SHTN1: variants seen among roughly 807,000 people sequenced by gnomAD.
SHTN1 encodes the protein shootin-1.
A neutral mutation model predicts 83.1 loss-of-function variants in SHTN1; 42 were observed. The observed-to-expected ratio is 0.51, with a 90% confidence interval of 0.39 to 0.65. SHTN1 has a LOEUF of 0.65. SHTN1 is among the 30% of genes least tolerant of loss of function. The pLI, the probability that SHTN1 is intolerant of heterozygous loss-of-function variation, is 0.00. For synonymous variants in SHTN1, 224 were observed against 247.7 expected, an observed-to-expected ratio of 0.90 and a Z score of 0.90; for missense variants, 622 against 737.8, an observed-to-expected ratio of 0.84 and a Z score of 1.82.
chr10:116,924,276 A>G (rs562908783), intron 11 of SHTN1, among the ~76,000 whole-genome samples: 19 of 152,190 alleles, frequency 1.2e-4, no homozygotes, highest in African/African-American at 4.1e-4. Context: ...CACTAATCAG[A>G]TGCCTCACCT....
At chr10:116,947,247 A>T (rs1433549045) in intron 7 of SHTN1, among the ~76,000 whole-genome samples, 34 of 152,156 alleles carry the variant, frequency 2.2e-4, no homozygotes. Context: ...TGACGATACC[A>T]TTAGATATTA....
chr10:117,039,553 T>C (rs1852552256), intron 2 of SHTN1, among the ~76,000 whole-genome samples: 1 of 152,014 alleles, frequency 6.6e-6, no homozygotes, highest in Non-Finnish European at 1.5e-5. Flanking sequence ...TGATAGGGGA[T>C]GTTAAAAATG....
intron 1 of SHTN1, among the ~76,000 whole-genome samples, chr10:117,091,698 C>T (rs1016885321): frequency 1.3e-5 from 2 of 152,198 alleles, no homozygotes; most frequent in African/African-American, 4.8e-5. Flanking sequence ...CTCCAGTATG[C>T]ATTTGCTCAT....
At chr10:116,898,471 AG>A (rs2133317155) in intron 16 of SHTN1, among the ~76,000 whole-genome samples, 1 of 152,308 alleles carries the variant, frequency 6.6e-6, no homozygotes, top group South Asian at 2.1e-4. Flanking sequence ...AAAGCAAAAA[AG>A]AGGTTTGCAC....
At chr10:117,030,253 T>A (rs895324956) in intron 2 of SHTN1, among the ~76,000 whole-genome samples, 2 of 152,192 alleles carry the variant, frequency 1.3e-5, no homozygotes, top group Non-Finnish European at 2.9e-5. Flanking sequence ...ATACAACCAA[T>A]AATGTGGTAT....
At chr10:117,112,851 T>G (rs1399225915) in intron 1 of SHTN1, among the ~76,000 whole-genome samples, 2 of 152,250 alleles carry the variant, frequency 1.3e-5, no homozygotes, top group South Asian at 4.1e-4. Flanking sequence ...GATGTTTAAT[T>G]ACATAGTTAC....
At chr10:116,941,990 T>C (rs1849387955) in intron 8 of SHTN1, among the ~76,000 whole-genome samples, 1 of 152,132 alleles carries the variant, frequency 6.6e-6, no homozygotes. Flanking sequence ...AAATAAACAA[T>C]TGCATATACA....
chr10:116,897,776 G>C (rs1343780655), intron 16 of SHTN1, among the ~76,000 whole-genome samples: 1 of 152,108 alleles, frequency 6.6e-6, no homozygotes, highest in African/African-American at 2.4e-5. Context: ...GCAGACCCAG[G>C]ATCTGAACCC....
At chr10:117,108,753 G>A (rs894158474) in intron 1 of SHTN1, among the ~76,000 whole-genome samples, 4 of 152,052 alleles carry the variant, frequency 2.6e-5, no homozygotes, top group African/African-American at 9.7e-5. Context: ...GTATTACCAT[G>A]GATACATACA....
intron 1 of SHTN1, among the ~76,000 whole-genome samples, chr10:117,091,961 C>G (rs530794317): frequency 6.6e-6 from 1 of 152,302 alleles, no homozygotes; most frequent in African/African-American, 2.4e-5. Context: ...GTCAAGTGAT[C>G]AGGGCTTTAC....
At chr10:116,953,785 G>A (rs1589838691) in intron 5 of SHTN1, among the ~76,000 whole-genome samples, 3 of 151,940 alleles carry the variant, frequency 2.0e-5, no homozygotes. Context: ...CTGCCACCAC[G>A]CCCAGCTAAT....
At chr10:117,001,693 TAAC>T (rs1268340847) in intron 1 of SHTN1, among the ~76,000 whole-genome samples, 5 of 152,166 alleles carry the variant, frequency 3.3e-5, no homozygotes, top group Admixed American at 6.5e-5. Context: ...TGACTACAGT[TAAC>T]AACAATGTAT....
intron 10 of SHTN1, 108 bp downstream of exon 10, chr10:116,929,741 C>T (rs1458301633): frequency 3.2e-6 from 2 of 621,560 alleles, no homozygotes; most frequent in Non-Finnish European, 2.5e-6. Context: ...GGTATTTTTC[C>T]ACAGCATTCA....
upstream of SHTN1, among the ~76,000 whole-genome samples, chr10:117,008,062 A>G (rs995588545): frequency 3.3e-5 from 5 of 152,034 alleles, no homozygotes; most frequent in African/African-American, 9.7e-5. Flanking sequence ...TGGAGTTACT[A>G]TTGACCTCCA....
intron 2 of SHTN1, among the ~76,000 whole-genome samples, chr10:117,022,463 G>A (rs1299464416): frequency 1.3e-5 from 2 of 152,000 alleles, no homozygotes; most frequent in African/African-American, 2.4e-5. Context: ...ATTGCTGAAT[G>A]TATAAGTCAC....
rs1433146766 is a variant in SHTN1, at chr10:116,882,520, TATA to T, written c.*3821_*3823del. On this transcript the variant is annotated 3_prime_UTR_variant, in exon 17 of 17. Transcript: ENST00000355371. ...ATATATTCAGACACAAACATATAGA[TATA>T]ATAATATCCAACCACTTTATATGAT... The T allele has an allele frequency of 6.6e-6, 1 of 151,994 alleles. No individual in the cohort carries two copies. Among genetic ancestry groups the T allele is most frequent in the Non-Finnish European group, 1.5e-5 (1 of 68,020 alleles). 9.4% of individuals were successfully genotyped at this position (151,994 alleles called of 1,614,324 possible).
chr10:117,048,124 C>T (rs1852693695), intron 2 of SHTN1, among the ~76,000 whole-genome samples: 1 of 152,062 alleles, frequency 6.6e-6, no homozygotes, highest in African/African-American at 2.4e-5. Context: ...TATAAACAAA[C>T]CCGAATAGTA....
chr10:117,123,982 TG>T (rs1853968969), intron 1 of SHTN1, among the ~76,000 whole-genome samples: 1 of 146,496 alleles, frequency 6.8e-6, no homozygotes, highest in African/African-American at 2.5e-5. Context: ...GAGGCCAAGG[TG>T]GGAGGATTGC....
chr10:116,986,652 CAGG>C (rs924847847), intron 1 of SHTN1, among the ~76,000 whole-genome samples: 1 of 150,530 alleles, frequency 6.6e-6, no homozygotes, highest in African/African-American at 2.5e-5. Context: ...GAGGCCAAGG[CAGG>C]AGAATCATTT....
Sources: allele counts gnomAD v4.1 joint callset (sites outside exome capture counted in the v4.1 genomes callset), GRCh38; gene constraint gnomAD v4.1.1; transcripts MANE v1.5; gene names NCBI Gene and HGNC (gene_info 2026-07-23, HGNC 2026-07-21).